RYR3: variants seen among roughly 807,000 people sequenced by gnomAD.
RYR3 encodes the protein brain ryanodine receptor-calcium release channel.
In RYR3, 207 loss-of-function variants were observed where a neutral mutation model predicts 584.3. That is an observed-to-expected ratio of 0.35 (90% confidence interval 0.32 to 0.40). The LOEUF is 0.40. Ranked by LOEUF, RYR3 falls within the 10% of genes least tolerant of loss-of-function variation. RYR3 has a pLI of 1.00. For missense variants in RYR3, 5,616 were observed against 6,089.2 expected, an observed-to-expected ratio of 0.92 and a Z score of 2.59; for synonymous variants, 2,416 against 2,248.5, an observed-to-expected ratio of 1.07 and a Z score of -2.11.
chr15:33,512,394 T>G (rs1425744122), intron 3 of RYR3, among the ~76,000 whole-genome samples: 1 of 152,260 alleles, frequency 6.6e-6, no homozygotes, highest in Non-Finnish European at 1.5e-5. Flanking sequence ...GCTTTTTACA[T>G]TTCTTCACAT....
Position 33,395,114 on chromosome 15 carries a change from T to C in RYR3, c.52-78305T>C, listed in dbSNP as rs550677286. On this transcript the variant is annotated intron_variant, in intron 1 of 103. Coordinates refer to ENST00000634891, the MANE Select transcript of RYR3 (RefSeq NM_001036.6). ...GTGTTATTCCAAGGACTGTGAACTT[T>C]AGAGGAAAATCAAGAAAATGTGCTC... Among the ~76,000 whole-genome samples the C allele has an allele frequency of 3.2e-4, 49 of 152,288 alleles. 1 individual carries two copies. The South Asian group carries it at 5.4e-3, about 17-fold the overall frequency.
chr15:33,782,132 T>C (rs1334487165), intron 65 of RYR3, among the ~76,000 whole-genome samples: 1 of 152,166 alleles, frequency 6.6e-6, no homozygotes, highest in Non-Finnish European at 1.5e-5. Flanking sequence ...ACCAGCACTG[T>C]GTAGAGCTTC....
intron 1 of RYR3, among the ~76,000 whole-genome samples, chr15:33,331,311 A>G (rs932280159): frequency 6.9e-6 from 1 of 144,992 alleles, no homozygotes; most frequent in Non-Finnish European, 1.6e-5. Context: ...TTAAGAAGGC[A>G]AAAAAATGTG....
At chr15:33,846,019 G>A (rs1031115960) in intron 93 of RYR3, among the ~76,000 whole-genome samples, 1 of 152,216 alleles carries the variant, frequency 6.6e-6, no homozygotes, top group African/African-American at 2.4e-5. Context: ...ACATTCCCAT[G>A]CCTGGCAGCT....
At chr15:33,464,106 T>G (rs1302871019) in intron 1 of RYR3, among the ~76,000 whole-genome samples, 1 of 151,794 alleles carries the variant, frequency 6.6e-6, no homozygotes, top group African/African-American at 2.4e-5. Flanking sequence ...TGCATGAAGG[T>G]TATTAATGAG....
At chr15:33,827,054 G>C (rs2077414192) in intron 84 of RYR3, 145 bp from the exon 85 acceptor site, 1 of 736,928 alleles carries the variant, frequency 1.4e-6, no homozygotes, top group Non-Finnish European at 2.3e-6. Flanking sequence ...GCAGAGCTCT[G>C]CCCTGCAGGA....
chr15:33,485,013 T>G (rs1343937899), intron 2 of RYR3, among the ~76,000 whole-genome samples: 2 of 152,024 alleles, frequency 1.3e-5, no homozygotes, highest in African/African-American at 4.8e-5. Flanking sequence ...GAGGAGGGCC[T>G]GGGAAATGTC....
chr15:33,496,123 A>C (rs1187269337), intron 2 of RYR3, among the ~76,000 whole-genome samples: 2 of 152,218 alleles, frequency 1.3e-5, no homozygotes, highest in Non-Finnish European at 2.9e-5. Context: ...TTTTCTGCCT[A>C]GGAGAGCTTG....
intron 53 of RYR3, among the ~76,000 whole-genome samples, chr15:33,746,803 C>CTTTTTT (rs367738785): frequency 1.5e-5 from 2 of 135,692 alleles, no homozygotes; most frequent in Non-Finnish European, 1.6e-5. Context: ...TTTCTTTCTT[C>CTTTTTT]TTTTTTTTTT....
At chr15:33,855,282 C>A (rs1297828817) in intron 98 of RYR3, among the ~76,000 whole-genome samples, 1 of 152,076 alleles carries the variant, frequency 6.6e-6, no homozygotes, top group Non-Finnish European at 1.5e-5. Context: ...ACTGCAACCT[C>A]CGACTCCCAG....
At chr15:33,603,597 T>C (rs879733353) in intron 18 of RYR3, among the ~76,000 whole-genome samples, 2 of 152,228 alleles carry the variant, frequency 1.3e-5, no homozygotes, top group Non-Finnish European at 2.9e-5. Flanking sequence ...AAGCTCATTG[T>C]ATCTGTATGA....
At chr15:33,526,078 G>A (rs932887863) in intron 3 of RYR3, among the ~76,000 whole-genome samples, 12 of 152,148 alleles carry the variant, frequency 7.9e-5, no homozygotes, top group African/African-American at 2.7e-4. Context: ...TTTAGGGTTC[G>A]AGATGTTAAA....
intron 1 of RYR3, among the ~76,000 whole-genome samples, chr15:33,408,652 C>G (rs1385548007): frequency 6.6e-6 from 1 of 152,194 alleles, no homozygotes; most frequent in Non-Finnish European, 1.5e-5. Flanking sequence ...CTCAGCCTCA[C>G]TAGCATCGGT....
chr15:33,435,545 A>T (rs1213887385), intron 1 of RYR3, among the ~76,000 whole-genome samples: 2 of 152,226 alleles, frequency 1.3e-5, no homozygotes, highest in Non-Finnish European at 2.9e-5. Context: ...ATTTATACTT[A>T]CAAATGAAAT....
chr15:33,493,094 A>G (rs958031917), intron 2 of RYR3, among the ~76,000 whole-genome samples: 2 of 152,052 alleles, frequency 1.3e-5, no homozygotes, highest in African/African-American at 2.4e-5. Context: ...ATTTGAGACA[A>G]AAACCTGAAC....
intron 45 of RYR3, among the ~76,000 whole-genome samples, chr15:33,726,087 G>A (rs563465589): frequency 2.0e-5 from 3 of 151,298 alleles, no homozygotes; most frequent in Non-Finnish European, 4.4e-5. Context: ...ACATTGAGAA[G>A]CCACCAGCAG....
At chr15:33,732,481 A>G (rs908893295) in intron 48 of RYR3, among the ~76,000 whole-genome samples, 16 of 152,112 alleles carry the variant, frequency 1.1e-4, no homozygotes, top group African/African-American at 3.6e-4. Context: ...ATTAAAGGCA[A>G]TAATTTTTAT....
At chr15:33,411,409 C>G (rs2043397835) in intron 1 of RYR3, among the ~76,000 whole-genome samples, 1 of 152,154 alleles carries the variant, frequency 6.6e-6, no homozygotes, top group Non-Finnish European at 1.5e-5. Context: ...AATATTGAAG[C>G]AAACAAATCT....
chr15:33,521,368 A>G (rs2053970162), intron 3 of RYR3, among the ~76,000 whole-genome samples: 2 of 152,118 alleles, frequency 1.3e-5, no homozygotes, highest in African/African-American at 4.8e-5. Context: ...AAATACTTCC[A>G]TGTGGCAGTG....
Sources: allele counts gnomAD v4.1 joint callset (sites outside exome capture counted in the v4.1 genomes callset), GRCh38; gene constraint gnomAD v4.1.1; transcripts MANE v1.5; gene names NCBI Gene and HGNC (gene_info 2026-07-23, HGNC 2026-07-21).